The following EDDM13 variants were observed in gnomAD, a reference collection of about 807,000 sequenced individuals.
EDDM13 encodes the protein epididymal protein 13.
EDDM13 carries 24 observed loss-of-function variants against 17.8 expected under a neutral mutation model. The ratio of observed to expected loss-of-function variants is 1.35; its 90% CI spans 0.98 to 1.90. The LOEUF (loss-of-function observed/expected upper bound fraction) is 1.90. Ranked by LOEUF, EDDM13 falls within the 40% of genes most tolerant of loss-of-function variation. The pLI is 0.00. For missense variants in EDDM13, 97 were observed against 100.8 expected, an observed-to-expected ratio of 0.96 and a Z score of 0.16; for synonymous variants, 31 against 37.5, an observed-to-expected ratio of 0.83 and a Z score of 0.63.
intron 8 of EDDM13, among the ~76,000 whole-genome samples, chr19:56,290,445 G>A (rs1367080060): frequency 6.6e-6 from 1 of 152,162 alleles, no homozygotes; most frequent in Non-Finnish European, 1.5e-5. Context: ...ATTGACCTCT[G>A]AGCTAGAGCA....
chr19:56,285,489 C>T (rs1254202084), intron 6 of EDDM13, among the ~76,000 whole-genome samples: 1 of 152,166 alleles, frequency 6.6e-6, no homozygotes, highest in African/African-American at 2.4e-5. Flanking sequence ...AGAAATGCTT[C>T]GTGTGTACTC....
chr19:56,277,207 G>GT (rs1177380486), intron 2 of EDDM13, among the ~76,000 whole-genome samples: 12 of 152,178 alleles, frequency 7.9e-5, no homozygotes, highest in Admixed American at 3.3e-4. Context: ...TAAATGAAAC[G>GT]TAAGTCCACA....
intron 2 of EDDM13, among the ~76,000 whole-genome samples, chr19:56,277,018 G>A (rs1057358312): frequency 6.6e-6 from 1 of 152,028 alleles, no homozygotes. Context: ...CAGAAAAATG[G>A]AAGCCAAAGC....
intron 14 of EDDM13, among the ~76,000 whole-genome samples, chr19:56,308,279 G>A (rs1358789180): frequency 8.6e-5 from 13 of 151,446 alleles, no homozygotes; most frequent in East Asian, 5.9e-4. Context: ...TGATCCGCCC[G>A]CCTCGGCCTC....
chr19:56,294,125 C>T (rs1020328108), intron 9 of EDDM13, among the ~76,000 whole-genome samples: 4 of 152,222 alleles, frequency 2.6e-5, no homozygotes, highest in Non-Finnish European at 5.9e-5. Context: ...TCCCAAACAC[C>T]TGCCTAAGGG....
At chr19:56,279,852 TTA>T (rs1600168054) in intron 2 of EDDM13, among the ~76,000 whole-genome samples, 5 of 152,302 alleles carry the variant, frequency 3.3e-5, no homozygotes, top group East Asian at 1.9e-4. Context: ...TTAAAATGTT[TTA>T]TGTTAAATTA....
At chr19:56,277,323 C>G (rs2038340477) in intron 2 of EDDM13, among the ~76,000 whole-genome samples, 1 of 152,258 alleles carries the variant, frequency 6.6e-6, no homozygotes, top group Middle Eastern at 3.4e-3. Flanking sequence ...AGAGTGTGGT[C>G]TATGCATACA....
rs560220852 is a variant in EDDM13, at chr19:56,309,281, T to C, written c.462-843T>C. Among the ~76,000 whole-genome samples, 5 of 152,198 alleles carry C rather than the reference T, an allele frequency of 3.3e-5. No individual in the cohort carries two copies. The South Asian group carries it at 6.2e-4, about 19-fold the overall frequency. ...AAAGAGACAGAAGGCCAATTACTAGTTGTCAGGGGCTGAGGGGAGGAAGGA... is the reference window on the plus strand; with the variant it reads ...AAAGAGACAGAAGGCCAATTACTAGCTGTCAGGGGCTGAGGGGAGGAAGGA... On this transcript the variant is annotated intron_variant, in intron 14 of 14. Coordinates refer to ENST00000649256, the MANE Select transcript of EDDM13 (RefSeq NM_001354658.2).
At chr19:56,273,380 A>G (rs1456649323) in intron 1 of EDDM13, among the ~76,000 whole-genome samples, 2 of 152,210 alleles carry the variant, frequency 1.3e-5, no homozygotes, top group Non-Finnish European at 2.9e-5. Context: ...GTCTTGCCAT[A>G]ACTCTGAGTT....
At chr19:56,305,951 T>G (rs1167936144) in intron 14 of EDDM13, among the ~76,000 whole-genome samples, 1 of 122,148 alleles carries the variant, frequency 8.2e-6, no homozygotes, top group Admixed American at 9.0e-5. Context: ...GTGCCTGGAG[T>G]CAGAAAGAAA....
chr19:56,305,245 G>A lies in EDDM13; in HGVS notation c.461+415G>A, dbSNP rs77520739. ...AAAGGGAACTCTGTACCAAGACATC[G>A]TCTCTTCCCCCTGTTCCTGGCAACC... On this transcript the variant is annotated intron_variant, in intron 14 of 14. Coordinates refer to ENST00000649256, the MANE Select transcript of EDDM13 (RefSeq NM_001354658.2). Among the ~76,000 whole-genome samples, 10 of 150,546 alleles carry A rather than the reference G, an allele frequency of 6.6e-5. No homozygotes were observed. In the East Asian group the frequency reaches 1.9e-3, roughly 28 times the overall value.
At chr19:56,280,541 G>C (rs543953466) in intron 2 of EDDM13, 1 of 152,128 alleles carries the variant, frequency 6.6e-6, no homozygotes, top group East Asian at 1.9e-4. Context: ...TTATCATCTA[G>C]ATATAACCAC....
intron 12 of EDDM13, 34 bp downstream of exon 12, chr19:56,297,565 T>A (rs1334101175): frequency 1.0e-6 from 1 of 974,828 alleles, no homozygotes; most frequent in African/African-American, 1.8e-5. Flanking sequence ...TCCTCATCTA[T>A]AAGACAGTGT....
chr19:56,298,590 C>G (rs2040031266), intron 12 of EDDM13, among the ~76,000 whole-genome samples: 1 of 150,894 alleles, frequency 6.6e-6, no homozygotes, highest in Non-Finnish European at 1.5e-5. Flanking sequence ...GAGGCGGAAG[C>G]TGCAGTGAGC....
intron 8 of EDDM13, among the ~76,000 whole-genome samples, 27 bp from the exon 9 acceptor site, chr19:56,290,814 G>A (rs1200380301): frequency 3.9e-5 from 6 of 152,128 alleles, no homozygotes; most frequent in Non-Finnish European, 7.4e-5. Context: ...CTGACTCCCC[G>A]AATGCTGGTT....
At chr19:56,286,192 T>C (rs1241920539) in intron 6 of EDDM13, among the ~76,000 whole-genome samples, 1 of 151,856 alleles carries the variant, frequency 6.6e-6, no homozygotes, top group Non-Finnish European at 1.5e-5. Flanking sequence ...CGGCTAATTT[T>C]TGTATTATTA....
intron 14 of EDDM13, among the ~76,000 whole-genome samples, chr19:56,308,630 A>C (rs1413341887): frequency 6.9e-6 from 1 of 145,850 alleles, no homozygotes; most frequent in Non-Finnish European, 1.5e-5. Flanking sequence ...CCCCATATTA[A>C]ATCATTTCTG....
In EDDM13 at chr19:56,296,863, G is replaced by A. The variant is rs188331075; in HGVS notation, c.268+501G>A. On this transcript the variant is annotated intron_variant, in intron 11 of 14. Coordinates refer to ENST00000649256, the MANE Select transcript of EDDM13 (RefSeq NM_001354658.2). ...AGCCTGGCCAACATGGTGAAACTCCGTCTCTACTAAAATACAAACAATTAT... is the reference window on the plus strand; with the variant it reads ...AGCCTGGCCAACATGGTGAAACTCCATCTCTACTAAAATACAAACAATTAT... Among the ~76,000 whole-genome samples, 411 of 152,176 alleles carry A rather than the reference G, an allele frequency of 2.7e-3. 3 individuals are homozygous for A. Among genetic ancestry groups the A allele is most frequent in the African/African-American group, 9.1e-3 (379 of 41,536 alleles).
At chr19:56,280,452 T>C (rs2038606910) in intron 2 of EDDM13, 1 of 152,068 alleles carries the variant, frequency 6.6e-6, no homozygotes, top group African/African-American at 2.4e-5. Context: ...TATATATCAA[T>C]GTAGATCTAC....
Sources: allele counts gnomAD v4.1 joint callset (sites outside exome capture counted in the v4.1 genomes callset), GRCh38; gene constraint gnomAD v4.1.1; transcripts MANE v1.5; gene names NCBI Gene and HGNC (gene_info 2026-07-23, HGNC 2026-07-21).